OTOA: variants seen among roughly 807,000 people sequenced by gnomAD.
The protein encoded by OTOA is cancer/testis antigen 108.
In OTOA, 70 loss-of-function variants were observed where a neutral mutation model predicts 110.8. That is an observed-to-expected ratio of 0.63 (90% CI 0.52 to 0.77). The LOEUF is 0.77. Among genes scored for constraint, OTOA ranks in the 30% least tolerant of loss-of-function variants. OTOA has a pLI of 0.00. For missense variants in OTOA, 917 were observed against 1,075.8 expected, an observed-to-expected ratio of 0.85 and a Z score of 2.06; for synonymous variants, 373 against 431.5, an observed-to-expected ratio of 0.86 and a Z score of 1.68.
chr16:21,756,459 A>C (rs1366047254), intron 27 of OTOA, among the ~76,000 whole-genome samples: 2 of 152,052 alleles, frequency 1.3e-5, no homozygotes, highest in Non-Finnish European at 2.9e-5. Flanking sequence ...GAGGCTGTGT[A>C]ATTTGTTCAA....
rs1898124910 is a variant in OTOA at position 21,704,864 on chromosome 16, G to A, written c.981-305G>A. The A allele has an allele frequency of 7.8e-6, 6 of 767,108 alleles. No individual in the cohort carries two copies. The East Asian group carries it at 1.5e-4, about 19-fold the overall frequency. 47.5% of individuals were successfully genotyped at this position (767,108 alleles called of 1,614,324 possible). A position where few individuals can be genotyped will look rare whatever the true frequency, so the allele number is the denominator to read the frequency against. ...TGGGTCTTGCTACAAGGTGATGCTG[G>A]GAGGTGTGATCTGATTGGATCATGC... On this transcript the variant is annotated intron_variant, in intron 11 of 28. Coordinates refer to ENST00000646100, the MANE Select transcript of OTOA (RefSeq NM_144672.4).
intron 9 of OTOA, among the ~76,000 whole-genome samples, chr16:21,693,435 T>C (rs536490329): frequency 6.6e-6 from 1 of 152,284 alleles, no homozygotes; most frequent in African/African-American, 2.4e-5. Context: ...TAGCTGAAGA[T>C]AGAGAAGGAA....
At chr16:21,672,491 C>T (rs1298077967) in intron 1 of OTOA, among the ~76,000 whole-genome samples, 7 of 151,780 alleles carry the variant, frequency 4.6e-5, no homozygotes, top group South Asian at 2.1e-4. Context: ...GGTGTGGTGG[C>T]GCATGCCTGT....
At position 21,710,005 on chromosome 16, in the gene OTOA, G is replaced by C; in HGVS notation, c.1222G>C (p.Glu408Gln). The C allele has an allele frequency of 3.1e-6, 5 of 1,614,038 alleles. No homozygotes were observed. Among genetic ancestry groups the C allele is most frequent in the Non-Finnish European group, 4.2e-6 (5 of 1,179,984 alleles). Residue 408 changes from glutamate (E) to glutamine (Q), a missense_variant, in exon 13 of 29, where the codon GAG (glutamate) becomes CAG (glutamine). Glu to Gln is a conservative substitution (Grantham distance 29, BLOSUM62 2). Coordinates refer to ENST00000646100, the MANE Select transcript of OTOA (RefSeq NM_144672.4). ...TYSQLESLSP[E>Q]AVHGAISTLN... is the part of the protein sequence containing the mutation. ...CAGCCAACTGGAATCCCTCTCCCCC[G>C]AGGCTGTGCACGGAGCCATCTCCAC...
At chr16:21,702,961 A>G (rs1331473582) in intron 11 of OTOA, among the ~76,000 whole-genome samples, 1 of 152,194 alleles carries the variant, frequency 6.6e-6, no homozygotes, top group Non-Finnish European at 1.5e-5. Flanking sequence ...GGCATGAACT[A>G]CCACGCCAAG....
chr16:21,726,330 G>T (rs1783350609), intron 18 of OTOA, among the ~76,000 whole-genome samples, 193 bp from the exon 19 acceptor site: 1 of 152,098 alleles, frequency 6.6e-6, no homozygotes, highest in South Asian at 2.1e-4. Context: ...TGGGAAGTTT[G>T]TTCCCACCCA....
At chr16:21,730,527 G>A (rs1899080498) in intron 20 of OTOA, 3 of 370,832 alleles carry the variant, frequency 8.1e-6, no homozygotes, top group Non-Finnish European at 1.6e-5. Flanking sequence ...CCATCCCTCA[G>A]CTCTGTGTTC....
chr16:21,703,189 T>TGTTCCC (rs1345932748), intron 11 of OTOA, among the ~76,000 whole-genome samples: 1 of 152,164 alleles, frequency 6.6e-6, no homozygotes, highest in Admixed American at 6.6e-5. Context: ...GTAGTCAGCA[T>TGTTCCC]GTACAATAGA....
intron 28 of OTOA, among the ~76,000 whole-genome samples, chr16:21,759,140 A>G (rs149418677): frequency 0.02 from 2,979 of 152,294 alleles, 61 homozygotes; most frequent in Non-Finnish European, 0.033. Context: ...CCGAATATAT[A>G]AAGTCTGCAA....
chr16:21,703,675 A>C (rs1306214137), intron 11 of OTOA, among the ~76,000 whole-genome samples: 1 of 152,074 alleles, frequency 6.6e-6, no homozygotes, highest in Non-Finnish European at 1.5e-5. Context: ...ACACTTTCAA[A>C]TCTTTTCCCT....
intron 14 of OTOA, among the ~76,000 whole-genome samples, chr16:21,715,664 C>A (rs1898530997): frequency 6.6e-6 from 1 of 151,894 alleles, no homozygotes; most frequent in Non-Finnish European, 1.5e-5. Flanking sequence ...CTCCTGGCCT[C>A]AAGCCACCAT....
chr16:21,757,615 CTATTATTAT>C (rs557683434), intron 28 of OTOA, among the ~76,000 whole-genome samples: 3 of 149,864 alleles, frequency 2.0e-5, no homozygotes, highest in East Asian at 1.9e-4. Context: ...TAATAATGAA[CTATTATTAT>C]TATTATTATT....
intron 1 of OTOA, among the ~76,000 whole-genome samples, chr16:21,675,751 A>G (rs1966856569): frequency 6.6e-6 from 1 of 151,740 alleles, no homozygotes. Context: ...TCTCCCTTTA[A>G]CATGCTCGCA....
chr16:21,668,971 T>A (rs767006033), intron 1 of OTOA, among the ~76,000 whole-genome samples: 3 of 152,026 alleles, frequency 2.0e-5, no homozygotes, highest in Non-Finnish European at 4.4e-5. Context: ...GTGCCATGGG[T>A]CTCAGTCCTT....
intron 2 of OTOA, 114 bp downstream of exon 2, chr16:21,678,719 T>C: frequency 8.7e-7 from 1 of 1,144,034 alleles, no homozygotes. Context: ...TGTGTGTGTG[T>C]GCATGTATGA....
chr16:21,699,996 T>C (rs1898020536), intron 10 of OTOA, among the ~76,000 whole-genome samples: 1 of 151,968 alleles, frequency 6.6e-6, no homozygotes, highest in South Asian at 2.1e-4. Flanking sequence ...CAAAATTATA[T>C]ATATAATTTA....
intron 1 of OTOA, among the ~76,000 whole-genome samples, chr16:21,666,891 A>C (rs574166740): frequency 6.6e-6 from 1 of 152,322 alleles, no homozygotes; most frequent in East Asian, 1.9e-4. Flanking sequence ...TATGCACAGC[A>C]GAAAGCAAGG....
chr16:21,665,072 A>G (rs971674043), intron 1 of OTOA, among the ~76,000 whole-genome samples: 2 of 152,192 alleles, frequency 1.3e-5, no homozygotes, highest in African/African-American at 4.8e-5. Context: ...CCTACTATGC[A>G]GAGGAGGAAA....
At chr16:21,721,275 ACACAAAC>A (rs1480203501) in intron 17 of OTOA, 2 of 448,646 alleles carry the variant, frequency 4.5e-6, no homozygotes, top group East Asian at 1.5e-4. Flanking sequence ...ACACACACAC[ACACAAAC>A]AACCAATACA....
Sources: allele counts gnomAD v4.1 joint callset (sites outside exome capture counted in the v4.1 genomes callset), GRCh38; gene constraint gnomAD v4.1.1; transcripts MANE v1.5; gene names NCBI Gene and HGNC (gene_info 2026-07-23, HGNC 2026-07-21).